The following ERG variants were observed in gnomAD, a reference collection of about 807,000 sequenced individuals.
ERG encodes ETS transcription factor ERG, also known as transcriptional regulator ERG.
In ERG, 9 loss-of-function variants were observed where a neutral mutation model predicts 55.3. That is an observed-to-expected ratio of 0.16 (90% CI 0.10 to 0.28). The LOEUF (loss-of-function observed/expected upper bound fraction) is 0.28. Among genes scored for constraint, ERG ranks in the 10% least tolerant of loss-of-function variants. ERG has a pLI of 1.00. For synonymous variants in ERG, 223 were observed against 237.3 expected (o/e 0.94, Z 0.55); for missense variants, 434 against 631.6 (o/e 0.69, Z 3.35).
chr21:38,641,300 T>C (rs531640965), intron 1 of ERG, among the ~76,000 whole-genome samples: 9 of 152,280 alleles, frequency 5.9e-5, no homozygotes, highest in African/African-American at 1.7e-4. Context: ...CCTTCTACCA[T>C]TTGAGGACAC....
intron 2 of ERG, among the ~76,000 whole-genome samples, chr21:38,530,628 C>G (rs1192620626): frequency 6.6e-6 from 1 of 152,146 alleles, no homozygotes; most frequent in East Asian, 1.9e-4. Context: ...AAATCCCTCT[C>G]AATCTACCAT....
intron 1 of ERG, among the ~76,000 whole-genome samples, chr21:38,459,760 C>T (rs1022131826): frequency 1.3e-5 from 2 of 152,180 alleles, no homozygotes; most frequent in African/African-American, 4.8e-5. Context: ...CAAATATGTA[C>T]TGAACACCTT....
chr21:38,575,147 G>A (rs912591771), intron 2 of ERG, among the ~76,000 whole-genome samples: 3 of 152,230 alleles, frequency 2.0e-5, no homozygotes, highest in South Asian at 4.1e-4. Flanking sequence ...GAGTGTCGGC[G>A]AGCCCAGATA....
chr21:38,643,804 G>A (rs777297605), intron 1 of ERG, among the ~76,000 whole-genome samples: 6 of 152,218 alleles, frequency 3.9e-5, no homozygotes, highest in Non-Finnish European at 7.3e-5. Context: ...AATTCCACGT[G>A]CTCAGAGAGA....
At chr21:38,441,821 C>T (rs187102264) in intron 2 of ERG, among the ~76,000 whole-genome samples, 88 of 152,338 alleles carry the variant, frequency 5.8e-4, no homozygotes, top group African/African-American at 1.9e-3. Flanking sequence ...AACCCAGCTG[C>T]CCTTTTCCTC....
intron 1 of ERG, among the ~76,000 whole-genome samples, chr21:38,494,464 CT>C (rs1267460986): frequency 6.6e-6 from 1 of 152,202 alleles, no homozygotes; most frequent in African/African-American, 2.4e-5. Flanking sequence ...CCTATAATGG[CT>C]TTGGGTCTCC....
At chr21:38,553,799 G>A (rs12483227) in intron 2 of ERG, among the ~76,000 whole-genome samples, 69,654 of 151,538 alleles carry the variant, frequency 0.46, 18,647 homozygotes, top group Non-Finnish European at 0.62. Context: ...GACTCCAAAA[G>A]CAATGGCAAC....
At chr21:38,448,073 T>C (rs1352388125) in intron 1 of ERG, among the ~76,000 whole-genome samples, 1 of 152,022 alleles carries the variant, frequency 6.6e-6, no homozygotes, top group East Asian at 1.9e-4. Flanking sequence ...AAAAATGTAG[T>C]GTAAGTTTGA....
intron 2 of ERG, among the ~76,000 whole-genome samples, chr21:38,525,090 G>C (rs1337316978): frequency 6.6e-6 from 1 of 152,164 alleles, no homozygotes; most frequent in Non-Finnish European, 1.5e-5. Context: ...AAGATCATTT[G>C]TGACTACAGA....
At chr21:38,469,412 ACT>A (rs2059120991) in intron 1 of ERG, among the ~76,000 whole-genome samples, 1 of 152,138 alleles carries the variant, frequency 6.6e-6, no homozygotes, top group Non-Finnish European at 1.5e-5. Flanking sequence ...CTTCACAGAA[ACT>A]CTGCCACAAA....
chr21:38,518,896 T>C (rs2059573235), intron 2 of ERG, among the ~76,000 whole-genome samples: 1 of 152,184 alleles, frequency 6.6e-6, no homozygotes, highest in African/African-American at 2.4e-5. Context: ...ACATCTAATC[T>C]ACTATTCATA....
intron 1 of ERG, among the ~76,000 whole-genome samples, chr21:38,649,487 C>T (rs2060476193): frequency 6.6e-6 from 1 of 152,160 alleles, no homozygotes; most frequent in Non-Finnish European, 1.5e-5. Flanking sequence ...AATGTGGTCT[C>T]GTATTCATTG....
At chr21:38,409,962 T>G (rs1186957747) in intron 3 of ERG, among the ~76,000 whole-genome samples, 1 of 152,280 alleles carries the variant, frequency 6.6e-6, no homozygotes, top group Non-Finnish European at 1.5e-5. Context: ...ATACCCACAT[T>G]GGGATTCTTA....
chr21:38,634,657 C>T (rs1233818369), intron 1 of ERG, among the ~76,000 whole-genome samples: 3 of 152,200 alleles, frequency 2.0e-5, no homozygotes, highest in East Asian at 1.9e-4. Flanking sequence ...GTTGCCTGCA[C>T]GAAGACCCAA....
chr21:38,549,824 T>TGA (rs1373960970), intron 2 of ERG, among the ~76,000 whole-genome samples: 2 of 151,610 alleles, frequency 1.3e-5, no homozygotes, highest in Non-Finnish European at 2.9e-5. Context: ...CCTGGGGCGG[T>TGA]GAGAGTGAGG....
chr21:38,554,521 G>A (rs965505068), intron 2 of ERG, among the ~76,000 whole-genome samples: 1 of 152,198 alleles, frequency 6.6e-6, no homozygotes, highest in Non-Finnish European at 1.5e-5. Flanking sequence ...GTCCTTTGCA[G>A]TAACATGAAT....
In ERG at chr21:38,561,649, C is replaced by T. The variant is rs375452503; in HGVS notation, c.-41+14013G>A. On this transcript the variant is annotated intron_variant, in intron 2 of 8. Transcript: ENST00000398897. ...TTAAAACAAAGAATGCAAGAATCAC[C>T]TGGTTAAAGTTAGATATTTTGTCAG... Among the ~76,000 whole-genome samples the T allele has an allele frequency of 5.9e-5, 9 of 152,078 alleles. No homozygotes were observed. In the East Asian group the frequency reaches 1.2e-3, roughly 20 times the overall value.
chr21:38,565,898 GATTGAA>G (rs1359594535), intron 2 of ERG, among the ~76,000 whole-genome samples: 1 of 152,168 alleles, frequency 6.6e-6, no homozygotes, highest in African/African-American at 2.4e-5. Context: ...TGAATGATTA[GATTGAA>G]ATTGGATCCA....
intron 1 of ERG, among the ~76,000 whole-genome samples, chr21:38,446,927 T>C (rs899959908): frequency 2.0e-5 from 3 of 152,026 alleles, no homozygotes; most frequent in Admixed American, 6.6e-5. Context: ...CTTTGTGACA[T>C]TTTTTTCCTT....
Sources: allele counts gnomAD v4.1 joint callset (sites outside exome capture counted in the v4.1 genomes callset), GRCh38; gene constraint gnomAD v4.1.1; transcripts MANE v1.5; gene names NCBI Gene and HGNC (gene_info 2026-07-23, HGNC 2026-07-21).